KIT: variants seen among roughly 807,000 people sequenced by gnomAD.
KIT encodes the protein mast/stem cell growth factor receptor Kit.
KIT carries 16 observed loss-of-function variants against 105.7 expected under a neutral mutation model. The observed-to-expected ratio is 0.15, with a 90% confidence interval of 0.10 to 0.23. The LOEUF (loss-of-function observed/expected upper bound fraction) is 0.23, where lower values mean the gene tolerates loss of function less well. Among genes scored for constraint, KIT ranks in the 10% least tolerant of loss-of-function variants. The pLI, the probability that KIT is intolerant of heterozygous loss-of-function variation, is 1.00. For missense variants in KIT, 858 were observed against 1,213.8 expected (o/e 0.71, Z 4.36); for synonymous variants, 438 against 441.1 (o/e 0.99, Z 0.09).
At chr4:54,662,927 A>G (rs1486127060) in intron 1 of KIT, among the ~76,000 whole-genome samples, 1 of 152,006 alleles carries the variant, frequency 6.6e-6, no homozygotes, top group Admixed American at 6.5e-5. Flanking sequence ...TTAGCTTTTG[A>G]TAAGAGTTAG....
intron 2 of KIT, among the ~76,000 whole-genome samples, chr4:54,696,189 A>AT (rs1270130402): frequency 6.6e-6 from 1 of 152,172 alleles, no homozygotes; most frequent in African/African-American, 2.4e-5. Context: ...ACTTCGAAAG[A>AT]TGTGGCCCAC....
intron 2 of KIT, among the ~76,000 whole-genome samples, 195 bp from the exon 3 acceptor site, chr4:54,698,089 G>A (rs183599534): frequency 2.6e-5 from 4 of 152,306 alleles, no homozygotes; most frequent in East Asian, 1.9e-4. Context: ...AGCTTAGTGC[G>A]TGATACATGG....
chr4:54,659,884 G>T (rs1326345147), intron 1 of KIT, among the ~76,000 whole-genome samples: 2 of 152,164 alleles, frequency 1.3e-5, no homozygotes, highest in Middle Eastern at 3.4e-3. Flanking sequence ...TGTCTCCTGG[G>T]GGGGCAGTGT....
intron 1 of KIT, among the ~76,000 whole-genome samples, chr4:54,678,306 T>A (rs1200188510): frequency 1.6e-5 from 1 of 64,282 alleles, no homozygotes. Flanking sequence ...CCTTCCTTCC[T>A]TCCTTCCTTC....
chr4:54,669,417 C>A (rs1717946573), intron 1 of KIT, among the ~76,000 whole-genome samples: 1 of 152,262 alleles, frequency 6.6e-6, no homozygotes, highest in Non-Finnish European at 1.5e-5. Flanking sequence ...GTGGGTCCCC[C>A]ACGGGGTCTA....
chr4:54,687,787 A>G (rs1306652326), intron 1 of KIT, among the ~76,000 whole-genome samples: 4 of 151,892 alleles, frequency 2.6e-5, no homozygotes, highest in Admixed American at 2.6e-4. Flanking sequence ...ACACATATAC[A>G]AAGTCTTCCT....
intron 4 of KIT, among the ~76,000 whole-genome samples, chr4:54,701,593 C>T (rs1333445146): frequency 1.3e-5 from 2 of 152,136 alleles, no homozygotes; most frequent in African/African-American, 4.8e-5. Flanking sequence ...TGACAGTATC[C>T]TAACTTATGG....
intron 4 of KIT, among the ~76,000 whole-genome samples, chr4:54,702,969 A>G (rs1720545880): frequency 1.3e-5 from 2 of 152,152 alleles, no homozygotes; most frequent in African/African-American, 2.4e-5. Context: ...GCAGAAAGCT[A>G]TATTAGACTT....
intron 13 of KIT, 149 bp from the exon 14 acceptor site, chr4:54,729,186 G>A (rs1372141886): frequency 3.9e-6 from 3 of 776,728 alleles, no homozygotes; most frequent in African/African-American, 3.5e-5. Context: ...GATAAGCAGT[G>A]TTAATATATG....
chr4:54,701,034 C>T (rs2969157), intron 4 of KIT, among the ~76,000 whole-genome samples: 150,661 of 152,394 alleles, frequency 0.99, 74,503 homozygotes, highest in Middle Eastern at 1. Flanking sequence ...CAATTTAGAC[C>T]GGGTGTGCAT....
chr4:54,736,467 C>T (rs2109810635), intron 17 of KIT, 31 bp from the exon 18 acceptor site: 1 of 1,452,996 alleles, frequency 6.9e-7, no homozygotes. Context: ...TCTGAATTAA[C>T]ATTATTGACT....
At chr4:54,688,768 G>A (rs1198594511) in intron 1 of KIT, among the ~76,000 whole-genome samples, 1 of 151,530 alleles carries the variant, frequency 6.6e-6, no homozygotes, top group Non-Finnish European at 1.5e-5. Context: ...TTATTTTTAC[G>A]AATTGTGGTT....
At chr4:54,712,485 G>A (rs943206620) in intron 7 of KIT, among the ~76,000 whole-genome samples, 8 of 152,142 alleles carry the variant, frequency 5.3e-5, no homozygotes, top group Non-Finnish European at 7.3e-5. Context: ...GTCCAAAGGG[G>A]TGTTTAAATG....
At chr4:54,685,981 CT>C (rs1373648081) in intron 1 of KIT, among the ~76,000 whole-genome samples, 1 of 152,202 alleles carries the variant, frequency 6.6e-6, no homozygotes, top group Non-Finnish European at 1.5e-5. Context: ...GTGAGTCTGT[CT>C]TCCCCACTGG....
At chr4:54,728,763 C>T (rs1722397417) in intron 13 of KIT, among the ~76,000 whole-genome samples, 1 of 152,208 alleles carries the variant, frequency 6.6e-6, no homozygotes, top group Admixed American at 6.5e-5. Context: ...GAGAAAATTT[C>T]TTACCCAAGT....
intron 1 of KIT, among the ~76,000 whole-genome samples, chr4:54,663,063 A>G (rs1717410045): frequency 1.3e-5 from 2 of 150,412 alleles, no homozygotes; most frequent in Non-Finnish European, 3.0e-5. Context: ...TTTCCCATTC[A>G]TCTTATGTTT....
At chr4:54,668,439 G>C (rs1717859847) in intron 1 of KIT, among the ~76,000 whole-genome samples, 1 of 152,202 alleles carries the variant, frequency 6.6e-6, no homozygotes. Context: ...GTTTACCCCA[G>C]GTAACTCATT....
At chr4:54,702,618 CTT>C (rs1720526035) in intron 4 of KIT, among the ~76,000 whole-genome samples, 1 of 152,080 alleles carries the variant, frequency 6.6e-6, no homozygotes, top group Admixed American at 6.5e-5. Context: ...AAACACCTCT[CTT>C]ATAGTCATAA....
chr4:54,658,489 A>G (rs1176747139), intron 1 of KIT, among the ~76,000 whole-genome samples: 1 of 151,630 alleles, frequency 6.6e-6, no homozygotes, highest in Non-Finnish European at 1.5e-5. Flanking sequence ...CCTTTTGTTA[A>G]AAGTTGCGTG....
Sources: gnomAD v4.1 joint callset for allele counts (sites outside exome capture counted in the v4.1 genomes callset) on GRCh38, gnomAD v4.1.1 for gene constraint, MANE v1.5 for transcripts, NCBI Gene and HGNC (gene_info 2026-07-23, HGNC 2026-07-21) for gene names.